The following AP4E1 variants were observed in gnomAD, a reference collection of about 807,000 sequenced individuals.
AP4E1 encodes the protein adaptor related protein complex 4 subunit epsilon 1.
In AP4E1, 56 loss-of-function variants were observed where a neutral mutation model predicts 128.2. The observed-to-expected ratio is 0.44, with a 90% confidence interval of 0.35 to 0.55. AP4E1 has a LOEUF of 0.55. Ranked by LOEUF, AP4E1 falls within the 20% of genes least tolerant of loss-of-function variation. The pLI is 0.00. For synonymous variants in AP4E1, 484 were observed against 473.1 expected, an observed-to-expected ratio of 1.02 and a Z score of -0.30; for missense variants, 1,324 against 1,307.7, an observed-to-expected ratio of 1.01 and a Z score of -0.19.
rs78037097 is a variant in AP4E1 at position 50,958,413 on chromosome 15, G to A, written c.1549-79G>A. 0.017 allele frequency: 20,034 copies of A among 1,190,324 alleles called. 251 individuals carry two copies. Among genetic ancestry groups the A allele is most frequent in the Non-Finnish European group, 0.019 (15,677 of 839,130 alleles). The allele number at this position is 1,190,324 out of a possible 1,614,324, so 73.7% of individuals were successfully genotyped here. A position where few individuals can be genotyped will look rare whatever the true frequency, so the allele number is the denominator to read the frequency against. On this transcript the variant is annotated intron_variant, in intron 13 of 20. Transcript: ENST00000261842. ...CTACTTTAAATTCACTCTAGCAGTA[G>A]GTACTTTGTTTAGATTTTAGTATAG...
At chr15:50,994,208 G>A (rs1486263774) in intron 17 of AP4E1, among the ~76,000 whole-genome samples, 1 of 152,146 alleles carries the variant, frequency 6.6e-6, no homozygotes, top group African/African-American at 2.4e-5. Context: ...CAGATATTAA[G>A]ATTATGATTT....
At chr15:50,938,599 G>A (rs1447535747) in intron 8 of AP4E1, among the ~76,000 whole-genome samples, 2 of 152,152 alleles carry the variant, frequency 1.3e-5, no homozygotes, top group Admixed American at 6.5e-5. Flanking sequence ...CCATCTGGAA[G>A]TAGGGAGTAA....
At chr15:50,962,305 A>G (rs8182062) in intron 14 of AP4E1, among the ~76,000 whole-genome samples, 43,888 of 151,906 alleles carry the variant, frequency 0.29, 6,534 homozygotes, top group East Asian at 0.47. Context: ...AGCCAATACA[A>G]TACTAAGCAA....
intron 18 of AP4E1, 50 bp downstream of exon 18, chr15:50,997,933 C>T: frequency 7.0e-7 from 1 of 1,429,268 alleles, no homozygotes; most frequent in Non-Finnish European, 9.5e-7. Flanking sequence ...ATTTTGTGTT[C>T]TCTTTTCCTG....
At chr15:50,995,788 G>A (rs1406975374) in intron 17 of AP4E1, among the ~76,000 whole-genome samples, 1 of 151,364 alleles carries the variant, frequency 6.6e-6, no homozygotes, top group Non-Finnish European at 1.5e-5. Context: ...CTTCTGGCAT[G>A]TATAGCTTCT....
upstream of AP4E1, chr15:50,908,548 T>C (rs868781587): frequency 4.2e-6 from 2 of 477,654 alleles, no homozygotes; most frequent in South Asian, 8.2e-5. Context: ...GGAGGTCTAC[T>C]TACGCGCGCA....
chr15:50,915,595 G>A (rs1207907461), intron 3 of AP4E1, 24 bp downstream of exon 3: 2 of 1,612,702 alleles, frequency 1.2e-6, no homozygotes, highest in East Asian at 4.5e-5. Context: ...TTAAGACTTT[G>A]ATGCTTTCAT....
At chr15:50,957,520 G>A (rs182455085) in intron 13 of AP4E1, among the ~76,000 whole-genome samples, 58 of 152,190 alleles carry the variant, frequency 3.8e-4, no homozygotes, top group African/African-American at 1.2e-3. Flanking sequence ...ACTTTGGGCC[G>A]TGGTCTCAGG....
intron 10 of AP4E1, among the ~76,000 whole-genome samples, chr15:50,943,798 G>C (rs2064020798): frequency 6.6e-6 from 1 of 152,098 alleles, no homozygotes. Flanking sequence ...TTAATGGGCT[G>C]GTAGCATATA....
chr15:50,964,897 TGATA>T (rs2051088810), intron 14 of AP4E1, among the ~76,000 whole-genome samples: 1 of 150,572 alleles, frequency 6.6e-6, no homozygotes, highest in Non-Finnish European at 1.5e-5. Context: ...GCTGTCCTCG[TGATA>T]GAGAGTGAGT....
intron 3 of AP4E1, among the ~76,000 whole-genome samples, chr15:50,920,553 C>T (rs947915312): frequency 2.0e-5 from 3 of 151,396 alleles, no homozygotes; most frequent in Non-Finnish European, 2.9e-5. Context: ...ACTACAGGTG[C>T]GTGCCACCGT....
chr15:50,945,049 A>G lies in AP4E1; in HGVS notation c.1177-2971A>G, dbSNP rs2064039182. 5 of 779,366 alleles carry G rather than the reference A, an allele frequency of 6.4e-6. No individual in the cohort carries two copies. The Admixed American group carries it at 8.6e-5, about 13-fold the overall frequency. The allele number at this position is 779,366 out of a possible 1,614,324, so 48.3% of individuals were successfully genotyped here. On this transcript the variant is annotated intron_variant, in intron 10 of 20. Transcript: ENST00000261842. ...ACTTCTTTTTTCACCGTTGGTGGTG[A>G]CAAAACTGTGAAACAATGGAAAATG...
At chr15:50,912,287 C>A in intron 2 of AP4E1, 138 bp downstream of exon 2, 1 of 832,234 alleles carries the variant, frequency 1.2e-6, no homozygotes. Flanking sequence ...GGTAGCAACT[C>A]AGATGTTAAC....
intron 3 of AP4E1, among the ~76,000 whole-genome samples, chr15:50,918,443 AGTAG>A (rs546863711): frequency 1.7e-3 from 258 of 152,342 alleles, no homozygotes; most frequent in African/African-American, 5.6e-3. Context: ...TTTTGAAAAC[AGTAG>A]ATAGTTATTA....
intron 15 of AP4E1, among the ~76,000 whole-genome samples, chr15:50,971,578 A>G (rs544063811): frequency 1.7e-4 from 26 of 152,150 alleles, no homozygotes; most frequent in African/African-American, 6.3e-4. Context: ...CCCATAATAC[A>G]AACATTTATT....
Position 50,997,518 on chromosome 15 carries a change from T to C in AP4E1, c.2539T>C (p.Ser847Pro). The change falls in exon 18 of 21, where the codon TCT (serine) becomes CCT (proline). Residue 847 changes from serine (S) to proline (P), a missense_variant. Transcript: ENST00000261842. ...DTGDKELKKF[S>P]LTSELLDSES... is the part of the protein sequence containing the mutation. ...AGGAGACAAGGAATTAAAGAAATTT[T>C]CTCTCACTTCAGAACTTTTGGATTC... 1 of 1,614,082 alleles carries C rather than the reference T, an allele frequency of 6.2e-7. No individual in the cohort carries two copies. The highest frequency in any genetic ancestry group is 8.5e-7 in the Non-Finnish European group (1 of 1,179,988).
At position 50,908,769 on chromosome 15, in the gene AP4E1, G is replaced by T; in HGVS notation, c.-10G>T. The T allele has an allele frequency of 1.3e-6, 2 of 1,529,352 alleles. No homozygotes were observed. Among genetic ancestry groups the T allele is most frequent in the East Asian group, 2.7e-5 (1 of 37,316 alleles). 94.7% of individuals were successfully genotyped at this position (1,529,352 alleles called of 1,614,324 possible). A position where few individuals can be genotyped will look rare whatever the true frequency, so the allele number is the denominator to read the frequency against. On this transcript the variant is annotated 5_prime_UTR_variant, in exon 1 of 21. Transcript: ENST00000261842. ...CGCGGGCGGCGGCGGCATCGCGGGCGGCGGCGGCGATGAGCGACATAGTGG... is the reference window on the plus strand; with the variant it reads ...CGCGGGCGGCGGCGGCATCGCGGGCTGCGGCGGCGATGAGCGACATAGTGG...
At chr15:50,948,414 T>G (rs1164602253) in intron 11 of AP4E1, among the ~76,000 whole-genome samples, 8 of 151,396 alleles carry the variant, frequency 5.3e-5, no homozygotes, top group Non-Finnish European at 1.2e-4. Flanking sequence ...AGAGGAACCT[T>G]TATCCTCTTT....
chr15:50,954,207 T>C (rs760429276), intron 13 of AP4E1, among the ~76,000 whole-genome samples: 3 of 144,090 alleles, frequency 2.1e-5, no homozygotes, highest in Non-Finnish European at 4.7e-5. Context: ...GCTATTGGTC[T>C]GTAGTTTTCA....
Sources: allele counts gnomAD v4.1 joint callset (sites outside exome capture counted in the v4.1 genomes callset), GRCh38; gene constraint gnomAD v4.1.1; transcripts MANE v1.5; gene names NCBI Gene and HGNC (gene_info 2026-07-23, HGNC 2026-07-21).